Variants in NME7 observed in about 807,000 individuals in gnomAD.
NME7 encodes the protein NME/NM23 family member 7, also known as nucleoside diphosphate kinase 7.
A neutral mutation model predicts 49.1 loss-of-function variants in NME7; 41 were observed. The ratio of observed to expected loss-of-function variants is 0.83; its 90% CI spans 0.65 to 1.08. The LOEUF is 1.08. Ranked by LOEUF, NME7 falls within the 50% of genes least tolerant of loss-of-function variation. NME7 has a pLI of 0.00. For synonymous variants in NME7, 139 were observed against 150.6 expected (o/e 0.92, Z 0.56); for missense variants, 423 against 463.4 (o/e 0.91, Z 0.80).
chr1:169,288,829 G>A (rs1396380665), intron 6 of NME7, among the ~76,000 whole-genome samples: 2 of 152,030 alleles, frequency 1.3e-5, no homozygotes, highest in Non-Finnish European at 2.9e-5. Flanking sequence ...TGCATGGTCC[G>A]AGAGAACCTT....
At chr1:169,240,355 TA>T (rs1648030278) in intron 7 of NME7, among the ~76,000 whole-genome samples, 1 of 152,016 alleles carries the variant, frequency 6.6e-6, no homozygotes, top group South Asian at 2.1e-4. Flanking sequence ...TCTCATTTAA[TA>T]AAAGGCAGCT....
chr1:169,315,447 G>A (rs564537092), intron 3 of NME7, among the ~76,000 whole-genome samples: 117 of 151,912 alleles, frequency 7.7e-4, no homozygotes, highest in Admixed American at 1.2e-3. Flanking sequence ...TAATTTTTTA[G>A]TAGAGACAAG....
intron 3 of NME7, among the ~76,000 whole-genome samples, chr1:169,316,565 A>G (rs1651635392): frequency 6.6e-6 from 1 of 152,150 alleles, no homozygotes; most frequent in Non-Finnish European, 1.5e-5. Context: ...GATAGTAGAG[A>G]TTATTCTGGA....
chr1:169,138,873 T>C (rs953519359), intron 11 of NME7, among the ~76,000 whole-genome samples: 1 of 152,222 alleles, frequency 6.6e-6, no homozygotes, highest in African/African-American at 2.4e-5. Context: ...CTGACTTTTC[T>C]CTTTATGGAA....
At chr1:169,135,694 G>C (rs1658408154) in intron 11 of NME7, among the ~76,000 whole-genome samples, 2 of 152,208 alleles carry the variant, frequency 1.3e-5, no homozygotes, top group Admixed American at 1.3e-4. Flanking sequence ...TCTTCCAACC[G>C]ATGGTTCCAA....
intron 10 of NME7, among the ~76,000 whole-genome samples, chr1:169,199,966 T>C (rs945226674): frequency 2.6e-5 from 4 of 152,136 alleles, no homozygotes; most frequent in Non-Finnish European, 5.9e-5. Context: ...ATAGAACTTA[T>C]TAATTCATTA....
At chr1:169,199,295 CA>C (rs966246686) in intron 10 of NME7, among the ~76,000 whole-genome samples, 2 of 151,712 alleles carry the variant, frequency 1.3e-5, no homozygotes, top group Non-Finnish European at 2.9e-5. Context: ...TTATTCTTCA[CA>C]ATAATAATTC....
chr1:169,278,087 T>A (rs1448434450), intron 7 of NME7, among the ~76,000 whole-genome samples: 87 of 151,626 alleles, frequency 5.7e-4, no homozygotes, highest in African/African-American at 2.1e-3. Context: ...CCTTTGTGGG[T>A]AACCCGACCT....
intron 11 of NME7, among the ~76,000 whole-genome samples, chr1:169,156,689 C>T (rs928181457): frequency 5.3e-5 from 8 of 152,196 alleles, no homozygotes; most frequent in African/African-American, 1.9e-4. Flanking sequence ...TGGCACTGTA[C>T]TTGAGAAACA....
chr1:169,363,805 A>T (rs1478434994), intron 1 of NME7, among the ~76,000 whole-genome samples: 1 of 152,170 alleles, frequency 6.6e-6, no homozygotes, highest in Non-Finnish European at 1.5e-5. Context: ...TTCCACAGAG[A>T]GGCCTTCATT....
rs562573360 is a variant in NME7, at chr1:169,148,230, T to C, written c.1099-15413A>G. Among the ~76,000 whole-genome samples, 3 of 152,342 alleles carry C rather than the reference T, an allele frequency of 2.0e-5. No individual in the cohort carries two copies. In the South Asian group the frequency reaches 6.2e-4, roughly 32 times the overall value. On this transcript the variant is annotated intron_variant, in intron 11 of 11. Coordinates refer to ENST00000367811, the MANE Select transcript of NME7 (RefSeq NM_013330.5). The stretch of plus-strand genomic sequence containing the variant: ...GTTGGCCAGACTGGTCTCAAACTCC[T>C]GACCTCAAGTGATTGACCTGCCTTG...
chr1:169,217,909 C>T (rs1449162263), intron 10 of NME7, among the ~76,000 whole-genome samples: 2 of 152,072 alleles, frequency 1.3e-5, no homozygotes. Flanking sequence ...CTCTAGGCAC[C>T]AGCAGTAGTG....
rs201299047 is a variant in NME7, at chr1:169,323,263, G to C, written c.132C>G (p.Arg44=). Residue 44 remains arginine (R), a synonymous_variant, in exon 3 of 12, where the codon CGC becomes CGG. Transcript: ENST00000367811. Reference sequence around the variant, plus strand: ...CATATTTGGTCCGCTTTAAAAAGGTGCGATGATTCTTTACATCATGCTAGA... The same window carrying C: ...CATATTTGGTCCGCTTTAAAAAGGTCCGATGATTCTTTACATCATGCTAGA... ...SVEMHDVKNH[R]TFLKRTKYDN... is the part of the protein sequence containing the mutation. 7.5e-6 allele frequency: 12 copies of C among 1,598,280 alleles called. No individual in the cohort carries two copies. In the Admixed American group the frequency reaches 1.4e-4, roughly 19 times the overall value.
rs1649501926 is a variant in NME7 at position 169,271,811 on chromosome 1, A to T, written c.754+15492T>A. Reference sequence around the variant, plus strand: ...TCATGCCTATACTATATTACAGGTAATATTAAATATATTAATACCAGGAGA... The same window carrying T: ...TCATGCCTATACTATATTACAGGTATTATTAAATATATTAATACCAGGAGA... On this transcript the variant is annotated intron_variant, in intron 7 of 11. Coordinates refer to ENST00000367811, the MANE Select transcript of NME7 (RefSeq NM_013330.5). 2.3e-5 allele frequency among the ~76,000 whole-genome samples: 3 copies of T among 133,076 alleles called. 1 individual carries two copies. In the South Asian group the frequency reaches 6.9e-4, roughly 31 times the overall value. 87.3% of individuals were successfully genotyped at this position (133,076 alleles called of 152,430 possible). A position where few individuals can be genotyped will look rare whatever the true frequency, so the allele number is the denominator to read the frequency against.
At chr1:169,336,191 G>A (rs139090718) in intron 1 of NME7, among the ~76,000 whole-genome samples, 12,566 of 151,952 alleles carry the variant, frequency 0.083, 705 homozygotes, top group Admixed American at 0.19. Context: ...CGGTGGGCTC[G>A]TGGTCTCGCT....
chr1:169,239,505 A>T (rs1016958081), intron 7 of NME7, among the ~76,000 whole-genome samples: 4 of 152,034 alleles, frequency 2.6e-5, no homozygotes, highest in African/African-American at 9.7e-5. Context: ...AAGGGGAAAG[A>T]CACTGAATTA....
At position 169,238,477 on chromosome 1, in the gene NME7, G is replaced by GCACACACACACA. The variant is rs138287537; in HGVS notation, c.755-802_755-791dup. On this transcript the variant is annotated intron_variant, in intron 7 of 11. Coordinates refer to ENST00000367811, the MANE Select transcript of NME7 (RefSeq NM_013330.5). ...GTCTCTTACACATACATGCACAAAG[G>GCACACACACACA]CACACACACACACACACACACACAC... Among the ~76,000 whole-genome samples the GCACACACACACA allele has an allele frequency of 1.0e-2, 1,240 of 124,102 alleles. 7 individuals carry two copies. The highest frequency in any genetic ancestry group is 0.015 in the African/African-American group (515 of 34,548). 81.4% of individuals were successfully genotyped at this position (124,102 alleles called of 152,430 possible).
intron 10 of NME7, among the ~76,000 whole-genome samples, chr1:169,219,413 C>T (rs1349142235): frequency 6.6e-6 from 1 of 152,086 alleles, no homozygotes; most frequent in African/African-American, 2.4e-5. Flanking sequence ...GAATAGGTTC[C>T]ACGCAAATAC....
At chr1:169,270,939 C>G (rs747592862) in intron 7 of NME7, among the ~76,000 whole-genome samples, 1 of 133,624 alleles carries the variant, frequency 7.5e-6, no homozygotes, top group Non-Finnish European at 1.8e-5. Context: ...TAACTATAAC[C>G]TATAAACAAT....
Sources: gnomAD v4.1 joint callset for allele counts (sites outside exome capture counted in the v4.1 genomes callset) on GRCh38, gnomAD v4.1.1 for gene constraint, MANE v1.5 for transcripts, NCBI Gene and HGNC (gene_info 2026-07-23, HGNC 2026-07-21) for gene names.